The following PTK2 variants were observed in gnomAD, a reference collection of about 807,000 sequenced individuals.
The protein encoded by PTK2 is protein tyrosine kinase 2.
A neutral mutation model predicts 150.1 loss-of-function variants in PTK2; 45 were observed. The ratio of observed to expected loss-of-function variants is 0.30; its 90% CI spans 0.24 to 0.38. The LOEUF is 0.38. Ranked by LOEUF, PTK2 falls within the 10% of genes least tolerant of loss-of-function variation. The pLI is 1.00. For missense variants in PTK2, 919 were observed against 1,307.3 expected, an observed-to-expected ratio of 0.70 and a Z score of 4.58; for synonymous variants, 432 against 449.2, an observed-to-expected ratio of 0.96 and a Z score of 0.48.
chr8:140,943,075 C>G (rs1056926250), intron 1 of PTK2, among the ~76,000 whole-genome samples: 1 of 152,100 alleles, frequency 6.6e-6, no homozygotes, highest in Non-Finnish European at 1.5e-5. Flanking sequence ...CTGTACAGCC[C>G]GCAGAACAGT....
chr8:140,928,108 T>C (rs1314321922), intron 1 of PTK2, among the ~76,000 whole-genome samples: 1 of 151,170 alleles, frequency 6.6e-6, no homozygotes, highest in African/African-American at 2.4e-5. Context: ...AGCTACATAG[T>C]AGTTGGCCTT....
exon 2 of PTK2, chr8:140,925,698 G>A (rs1336652678): frequency 2.1e-5 from 21 of 983,612 alleles, no homozygotes; most frequent in Non-Finnish European, 2.5e-5. Flanking sequence ...TGGGGAAACT[G>A]CAGAAGGCAC....
At chr8:140,890,394 A>G in intron 3 of PTK2, 149 bp downstream of exon 3, 1 of 645,422 alleles carries the variant, frequency 1.5e-6, no homozygotes. Flanking sequence ...ATATTAACTA[A>G]TAAATCTTAT....
intron 22 of PTK2, among the ~76,000 whole-genome samples, chr8:140,720,599 G>A (rs1332149581): frequency 1.3e-5 from 2 of 152,142 alleles, no homozygotes; most frequent in South Asian, 4.1e-4. Context: ...GGGTTGTTGC[G>A]AATATCTAAA....
intron 1 of PTK2, among the ~76,000 whole-genome samples, chr8:140,944,022 T>A (rs2100176782): frequency 6.6e-6 from 1 of 152,174 alleles, no homozygotes; most frequent in African/African-American, 2.4e-5. Flanking sequence ...TCATGAGTAC[T>A]GGGTAAAAAT....
intron 5 of PTK2, among the ~76,000 whole-genome samples, chr8:140,858,825 T>C (rs766687439): frequency 6.6e-6 from 1 of 152,198 alleles, no homozygotes; most frequent in Non-Finnish European, 1.5e-5. Flanking sequence ...AATATCTAAA[T>C]ATGTGCAAGG....
At chr8:140,682,383 A>T (rs1031086138) in intron 27 of PTK2, among the ~76,000 whole-genome samples, 3 of 152,172 alleles carry the variant, frequency 2.0e-5, no homozygotes, top group Admixed American at 1.3e-4. Context: ...ACAAAAACGA[A>T]AACAACAACA....
chr8:140,944,953 G>T (rs1400396123), intron 1 of PTK2, among the ~76,000 whole-genome samples: 1 of 152,054 alleles, frequency 6.6e-6, no homozygotes, highest in Non-Finnish European at 1.5e-5. Flanking sequence ...TCTCTATATA[G>T]CTACGCCATA....
intron 14 of PTK2, among the ~76,000 whole-genome samples, chr8:140,780,421 A>T (rs1170664899): frequency 2.0e-5 from 3 of 152,170 alleles, no homozygotes; most frequent in Non-Finnish European, 4.4e-5. Context: ...AATCAAGCCC[A>T]AACTGGATCA....
At chr8:140,855,304 AG>A (rs568600763) in intron 5 of PTK2, among the ~76,000 whole-genome samples, 41 of 151,320 alleles carry the variant, frequency 2.7e-4, no homozygotes, top group East Asian at 1.2e-3. Context: ...TTAAAAAAAA[AG>A]GGGGGGGTCG....
intron 27 of PTK2, among the ~76,000 whole-genome samples, chr8:140,678,443 C>G (rs915584468): frequency 6.6e-6 from 1 of 151,334 alleles, no homozygotes; most frequent in Admixed American, 6.6e-5. Context: ...ACTTCCTGGG[C>G]TCAAGTGATG....
At chr8:140,824,082 G>A (rs2100110466) in intron 8 of PTK2, among the ~76,000 whole-genome samples, 1 of 152,176 alleles carries the variant, frequency 6.6e-6, no homozygotes, top group South Asian at 2.1e-4. Flanking sequence ...TAAATAAAGT[G>A]AGTCAATTTG....
At chr8:140,679,012 T>TTTTG (rs1202197013) in intron 27 of PTK2, among the ~76,000 whole-genome samples, 93 of 27,960 alleles carry the variant, frequency 3.3e-3, no homozygotes, top group African/African-American at 0.01. Flanking sequence ...TGTTTTTTTT[T>TTTTG]TTTTTTTTTT....
chr8:140,954,678 C>T (rs1008915797), intron 1 of PTK2: 5 of 152,060 alleles, frequency 3.3e-5, no homozygotes, highest in South Asian at 2.1e-4. Context: ...GACACTAAGA[C>T]AGGTGAAAGA....
intron 27 of PTK2, among the ~76,000 whole-genome samples, chr8:140,684,929 T>A (rs2100018980): frequency 2.0e-5 from 3 of 152,192 alleles, no homozygotes; most frequent in Admixed American, 2.0e-4. Context: ...AGAGCCTGAA[T>A]AGTCAAAGCA....
chr8:140,827,145 A>G (rs969678592), intron 8 of PTK2, among the ~76,000 whole-genome samples: 6 of 151,788 alleles, frequency 4.0e-5, no homozygotes, highest in African/African-American at 1.5e-4. Flanking sequence ...CTCTCTGCAT[A>G]CTCTACACAC....
At chr8:140,903,936 CACAA>C (rs1475131135) in intron 2 of PTK2, among the ~76,000 whole-genome samples, 1 of 152,066 alleles carries the variant, frequency 6.6e-6, no homozygotes, top group Non-Finnish European at 1.5e-5. Context: ...TCATGTCATC[CACAA>C]ACAGAGACAA....
chr8:140,877,021 A>T, intron 4 of PTK2, among the ~76,000 whole-genome samples: 1 of 140,282 alleles, frequency 7.1e-6, no homozygotes, highest in African/African-American at 2.7e-5. Context: ...AACTTTCACT[A>T]ATCCTTTTTT....
In PTK2 at chr8:140,846,243, G is replaced by A; in HGVS notation, c.593+17C>T. On this transcript the variant is annotated intron_variant, in intron 7 of 31. Coordinates refer to ENST00000522684, the Ensembl canonical transcript of PTK2. ...TTCTGCATATTTGCAGGTATAGATT[G>A]TAAGTACAATACTTACTCTAATACT... 3 of 1,578,106 alleles carry A rather than the reference G, an allele frequency of 1.9e-6. No homozygotes were observed. The highest frequency in any genetic ancestry group is 1.7e-6 in the Non-Finnish European group (2 of 1,154,278).
Sources: allele counts gnomAD v4.1 joint callset (sites outside exome capture counted in the v4.1 genomes callset), GRCh38; gene constraint gnomAD v4.1.1; transcripts MANE v1.5; gene names NCBI Gene and HGNC (gene_info 2026-07-23, HGNC 2026-07-21).